Variants in EPM2A observed in about 807,000 individuals in gnomAD.
EPM2A encodes EPM2A glucan phosphatase, laforin, also known as laforin.
In EPM2A, 21 loss-of-function variants were observed where a neutral mutation model predicts 26.5. The observed-to-expected ratio is 0.79, with a 90% CI of 0.56 to 1.14. The LOEUF (loss-of-function observed/expected upper bound fraction) is 1.14. EPM2A is among the 50% of genes most tolerant of loss of function. The probability of loss-of-function intolerance (pLI) is 0.00; values close to 1 mark genes in which losing one functional copy is unlikely to be tolerated. For missense variants in EPM2A, 458 were observed against 440.8 expected (o/e 1.04, Z -0.35); for synonymous variants, 217 against 177.6 (o/e 1.22, Z -1.76).
chr6:145,505,596 C>A (rs928448339), intron 2 of EPM2A, among the ~76,000 whole-genome samples: 2 of 152,152 alleles, frequency 1.3e-5, no homozygotes, highest in South Asian at 4.1e-4. Context: ...GTCCCAGTAA[C>A]TTCCTGTAAA....
At chr6:145,565,232 C>T (rs1261569686) in intron 2 of EPM2A, among the ~76,000 whole-genome samples, 1 of 65,082 alleles carries the variant, frequency 1.5e-5, no homozygotes, top group African/African-American at 4.3e-5. Flanking sequence ...GGTTTTTGAC[C>T]TTACCTGCTG....
intron 1 of EPM2A, among the ~76,000 whole-genome samples, chr6:145,724,713 A>C (rs1776107970): frequency 6.6e-6 from 1 of 152,114 alleles, no homozygotes; most frequent in South Asian, 2.1e-4. Context: ...AAATAAAGTC[A>C]GGTGGTTTCT....
intron 2 of EPM2A, among the ~76,000 whole-genome samples, chr6:145,557,383 C>T (rs1780741504): frequency 6.6e-6 from 1 of 151,674 alleles, no homozygotes; most frequent in African/African-American, 2.4e-5. Flanking sequence ...TCTTCTTGTA[C>T]CCCCTAAATC....
At chr6:145,426,724 A>G (rs1778858840) in intron 4 of EPM2A, among the ~76,000 whole-genome samples, 2 of 152,162 alleles carry the variant, frequency 1.3e-5, no homozygotes, top group Admixed American at 1.3e-4. Flanking sequence ...AAAGAACTGA[A>G]ATGAAATTTA....
At chr6:145,479,790 G>A (rs1314280625) in intron 4 of EPM2A, among the ~76,000 whole-genome samples, 1 of 152,006 alleles carries the variant, frequency 6.6e-6, no homozygotes, top group Non-Finnish European at 1.5e-5. Flanking sequence ...GAGTTGATGA[G>A]TCATATGACA....
chr6:145,702,906 C>T (rs1200154445), intron 1 of EPM2A, among the ~76,000 whole-genome samples: 1 of 152,142 alleles, frequency 6.6e-6, no homozygotes, highest in African/African-American at 2.4e-5. Flanking sequence ...GTGATCAATG[C>T]AATTTCTCTT....
At chr6:145,543,046 G>A (rs758391385) in intron 2 of EPM2A, among the ~76,000 whole-genome samples, 4 of 151,836 alleles carry the variant, frequency 2.6e-5, no homozygotes, top group Non-Finnish European at 4.4e-5. Flanking sequence ...GATTACAGGT[G>A]TGAGCCACTG....
chr6:145,544,782 G>A (rs1780562337), intron 2 of EPM2A, among the ~76,000 whole-genome samples: 1 of 152,124 alleles, frequency 6.6e-6, no homozygotes, highest in Non-Finnish European at 1.5e-5. Context: ...GACTAGTATT[G>A]CTTTTTTTGG....
At chr6:145,656,031 G>T (rs528549519) in intron 2 of EPM2A, among the ~76,000 whole-genome samples, 1 of 152,272 alleles carries the variant, frequency 6.6e-6, no homozygotes, top group South Asian at 2.1e-4. Flanking sequence ...AAACGGAAAT[G>T]TTCAGAGCAA....
Position 145,604,755 on chromosome 6 carries a change from C to T in EPM2A, c.340+30490G>A, listed in dbSNP as rs530534354. Among the ~76,000 whole-genome samples, 38 of 152,144 alleles carry T rather than the reference C, an allele frequency of 2.5e-4. No homozygotes were observed. The South Asian group carries it at 3.9e-3, about 16-fold the overall frequency. ...TCTTTCAAAGAAATAGAAGAGAAAA[C>T]GAAGGCAATCTGAGGGGAGAATGGG... On this transcript the variant is annotated intron_variant, in intron 2 of 3. Coordinates refer to the EPM2A transcript ENST00000450221.
At chr6:145,400,695 T>C (rs879847065) in intron 4 of EPM2A, among the ~76,000 whole-genome samples, 7 of 152,206 alleles carry the variant, frequency 4.6e-5, no homozygotes, top group Non-Finnish European at 8.8e-5. Context: ...ATAGGCAACA[T>C]CCATTTTTGC....
intron 2 of EPM2A, among the ~76,000 whole-genome samples, chr6:145,651,190 A>T (rs1168919822): frequency 6.6e-6 from 1 of 152,244 alleles, no homozygotes; most frequent in Non-Finnish European, 1.5e-5. Context: ...AGCTTTTCTT[A>T]GCCAAATGTG....
chr6:145,490,071 G>T, intron 4 of EPM2A: 1 of 1,293,930 alleles, frequency 7.7e-7, no homozygotes, highest in Non-Finnish European at 1.1e-6. Context: ...TGGACCTGAA[G>T]CAATGGTAGC....
chr6:145,578,293 T>C (rs1457533471), intron 2 of EPM2A, among the ~76,000 whole-genome samples: 2 of 151,978 alleles, frequency 1.3e-5, no homozygotes, highest in Non-Finnish European at 2.9e-5. Flanking sequence ...GCAAACCTTA[T>C]GCCAGACTAA....
At chr6:145,686,428 T>TAAACA (rs1428282548) in intron 1 of EPM2A, 132 bp from the exon 2 acceptor site, 56 of 737,350 alleles carry the variant, frequency 7.6e-5, no homozygotes, top group Non-Finnish European at 2.0e-5. Context: ...CATTTCAGTA[T>TAAACA]AAACAAAAAA....
At chr6:145,708,947 AG>A (rs1161925222) in intron 1 of EPM2A, among the ~76,000 whole-genome samples, 2 of 152,208 alleles carry the variant, frequency 1.3e-5, no homozygotes, top group African/African-American at 4.8e-5. Context: ...ATAAAATCAA[AG>A]GAGATCATTT....
At chr6:145,461,843 G>A (rs1269185726) in intron 4 of EPM2A, among the ~76,000 whole-genome samples, 1 of 152,110 alleles carries the variant, frequency 6.6e-6, no homozygotes, top group Non-Finnish European at 1.5e-5. Context: ...ACTTTAAAAA[G>A]GGGAAAAATC....
chr6:145,556,234 C>T (rs1049637524), intron 2 of EPM2A, among the ~76,000 whole-genome samples: 1 of 152,148 alleles, frequency 6.6e-6, no homozygotes, highest in Non-Finnish European at 1.5e-5. Flanking sequence ...CTGTGCAGAT[C>T]CCTTCAGCTG....
At chr6:145,509,378 C>A (rs1278644909) in intron 2 of EPM2A, among the ~76,000 whole-genome samples, 1 of 152,154 alleles carries the variant, frequency 6.6e-6, no homozygotes, top group East Asian at 1.9e-4. Context: ...ACCCAACAGA[C>A]TAACACAGAC....
Sources: gnomAD v4.1 joint callset for allele counts (sites outside exome capture counted in the v4.1 genomes callset) on GRCh38, gnomAD v4.1.1 for gene constraint, MANE v1.5 for transcripts, NCBI Gene and HGNC (gene_info 2026-07-23, HGNC 2026-07-21) for gene names.